The following PCDH9 variants were observed in gnomAD, a reference collection of about 807,000 sequenced individuals.
The protein encoded by PCDH9 is protocadherin-9.
Under a neutral mutation model 70.6 loss-of-function variants are expected in PCDH9, and 24 were observed. That is an observed-to-expected ratio of 0.34 (90% confidence interval 0.25 to 0.48). PCDH9 has a LOEUF of 0.48. PCDH9 is among the 20% of genes least tolerant of loss of function. The probability of loss-of-function intolerance (pLI) is 0.99; values close to 1 mark genes in which losing one functional copy is unlikely to be tolerated. For missense variants in PCDH9, 1,281 were observed against 1,503.6 expected (o/e 0.85, Z 2.45); for synonymous variants, 562 against 558.5 (o/e 1.01, Z -0.09).
In PCDH9 at chr13:66,559,817, A is replaced by AAAAT. The variant is rs71677008; in HGVS notation, c.3340+71392_3340+71393insATTT. Among the ~76,000 whole-genome samples, 288 of 92,988 alleles carry AAAAT rather than the reference A, an allele frequency of 3.1e-3. 5 individuals are homozygous for AAAAT. The highest frequency in any genetic ancestry group is 0.011 in the East Asian group (29 of 2,722). 61.0% of individuals were successfully genotyped at this position (92,988 alleles called of 152,430 possible). ...TCCATCTCAAAAAAAAAAAAAAAAA[A>AAAAT]ATATATATATATATATACACACACA... On this transcript the variant is annotated intron_variant, in intron 4 of 4. Transcript: ENST00000377865.
chr13:66,698,171 G>A (rs2078589597), intron 3 of PCDH9, among the ~76,000 whole-genome samples: 1 of 152,166 alleles, frequency 6.6e-6, no homozygotes, highest in African/African-American at 2.4e-5. Context: ...GTTCCAGTTT[G>A]GGTAATGGAA....
At chr13:66,791,344 T>G (rs1464128600) in intron 3 of PCDH9, among the ~76,000 whole-genome samples, 1 of 152,078 alleles carries the variant, frequency 6.6e-6, no homozygotes, top group African/African-American at 2.4e-5. Flanking sequence ...CTAAATTGAG[T>G]ACATGTTAAA....
At chr13:67,074,157 T>C (rs1208098106) in intron 2 of PCDH9, among the ~76,000 whole-genome samples, 1 of 152,112 alleles carries the variant, frequency 6.6e-6, no homozygotes, top group East Asian at 1.9e-4. Flanking sequence ...ATAGACTGAA[T>C]GTGTTCTCTC....
chr13:66,689,713 T>A (rs2078455428), intron 3 of PCDH9, among the ~76,000 whole-genome samples: 1 of 152,142 alleles, frequency 6.6e-6, no homozygotes, highest in Admixed American at 6.6e-5. Flanking sequence ...TATCTTCGGG[T>A]GTTGACTTTC....
intron 2 of PCDH9, among the ~76,000 whole-genome samples, chr13:67,153,225 G>A (rs982695757): frequency 3.3e-5 from 5 of 151,564 alleles, no homozygotes; most frequent in Non-Finnish European, 5.9e-5. Context: ...GCAATGGTGC[G>A]ATCATGGCTC....
intron 2 of PCDH9, among the ~76,000 whole-genome samples, chr13:67,144,524 C>T (rs956311496): frequency 6.6e-6 from 1 of 152,020 alleles, no homozygotes; most frequent in Non-Finnish European, 1.5e-5. Context: ...GTTCTGGGAA[C>T]AAGTACATGA....
intron 3 of PCDH9, among the ~76,000 whole-genome samples, chr13:66,653,973 T>TAAAAAAAAAAAAAAAAAA (rs59143528): frequency 3.1e-5 from 4 of 128,452 alleles, no homozygotes; most frequent in Non-Finnish European, 6.4e-5. Flanking sequence ...GTCTCAAAAT[T>TAAAAAAAAAAAAAAAAAA]AAAAAAAAAA....
chr13:66,895,568 G>A (rs1431750058), intron 3 of PCDH9, among the ~76,000 whole-genome samples: 1 of 152,182 alleles, frequency 6.6e-6, no homozygotes, highest in Non-Finnish European at 1.5e-5. Flanking sequence ...CTGTGCACAT[G>A]TGCAGAAACT....
chr13:66,822,490 T>C (rs1279200380), intron 3 of PCDH9, among the ~76,000 whole-genome samples: 1 of 143,836 alleles, frequency 7.0e-6, no homozygotes, highest in East Asian at 2.2e-4. Context: ...TGTGATGTCC[T>C]GGAATTTTTT....
chr13:67,066,265 C>T (rs2085646169), intron 2 of PCDH9, among the ~76,000 whole-genome samples: 1 of 151,826 alleles, frequency 6.6e-6, no homozygotes, highest in South Asian at 2.1e-4. Flanking sequence ...CAGAGTTTCA[C>T]TCTTGTTGCC....
chr13:66,509,547 T>C (rs1399095320), intron 4 of PCDH9, among the ~76,000 whole-genome samples: 1 of 152,222 alleles, frequency 6.6e-6, no homozygotes, highest in Non-Finnish European at 1.5e-5. Flanking sequence ...ACCCCAATCG[T>C]TAAAAATCTT....
At chr13:67,131,394 G>T (rs908164478) in intron 2 of PCDH9, among the ~76,000 whole-genome samples, 1 of 152,036 alleles carries the variant, frequency 6.6e-6, no homozygotes, top group Non-Finnish European at 1.5e-5. Flanking sequence ...AAAAAGAACA[G>T]AATTGATTTG....
intron 3 of PCDH9, among the ~76,000 whole-genome samples, chr13:66,795,317 A>G (rs1267875134): frequency 1.3e-5 from 2 of 152,138 alleles, no homozygotes; most frequent in African/African-American, 4.8e-5. Flanking sequence ...CCAATTTTGG[A>G]GCATTTCAGA....
intron 4 of PCDH9, among the ~76,000 whole-genome samples, chr13:66,507,241 A>T (rs1354349183): frequency 6.6e-6 from 1 of 152,212 alleles, no homozygotes; most frequent in Admixed American, 6.5e-5. Flanking sequence ...GTGAAATTAA[A>T]TATTCATTCA....
At chr13:66,600,051 A>G (rs1260177762) in intron 4 of PCDH9, among the ~76,000 whole-genome samples, 1 of 151,846 alleles carries the variant, frequency 6.6e-6, no homozygotes, top group Non-Finnish European at 1.5e-5. Context: ...TTTCCTTCTC[A>G]GTCACATATA....
intron 2 of PCDH9, among the ~76,000 whole-genome samples, chr13:67,127,384 G>T (rs1360150271): frequency 6.6e-6 from 1 of 152,144 alleles, no homozygotes; most frequent in Non-Finnish European, 1.5e-5. Flanking sequence ...ATGGGGATCT[G>T]CTCGTGGAGT....
chr13:66,955,192 A>G (rs1407001156), intron 2 of PCDH9, among the ~76,000 whole-genome samples: 1 of 152,236 alleles, frequency 6.6e-6, no homozygotes. Flanking sequence ...TGACAGAATT[A>G]AAGATTCCCT....
chr13:66,880,847 A>C (rs772041315), intron 3 of PCDH9, among the ~76,000 whole-genome samples: 3 of 152,178 alleles, frequency 2.0e-5, no homozygotes, highest in Non-Finnish European at 4.4e-5. Flanking sequence ...GCAATTGCTT[A>C]TTGCTAGAAA....
intron 4 of PCDH9, among the ~76,000 whole-genome samples, chr13:66,609,546 CTT>C (rs1366428463): frequency 6.6e-6 from 1 of 151,856 alleles, no homozygotes; most frequent in African/African-American, 2.4e-5. Context: ...TTTGAAAACT[CTT>C]TATGAAAATT....
Sources: allele counts gnomAD v4.1 joint callset (sites outside exome capture counted in the v4.1 genomes callset), GRCh38; gene constraint gnomAD v4.1.1; transcripts MANE v1.5; gene names NCBI Gene and HGNC (gene_info 2026-07-23, HGNC 2026-07-21).